TGFBR3: variants seen among roughly 807,000 people sequenced by gnomAD.
TGFBR3 encodes the protein transforming growth factor beta receptor type 3.
A neutral mutation model predicts 87.9 loss-of-function variants in TGFBR3; 46 were observed. The observed-to-expected ratio is 0.52, with a 90% CI of 0.41 to 0.67. The LOEUF is 0.67. Among genes scored for constraint, TGFBR3 ranks in the 30% least tolerant of loss-of-function variants. The pLI, the probability that TGFBR3 is intolerant of heterozygous loss-of-function variation, is 0.00. For missense variants in TGFBR3, 866 were observed against 1,041.9 expected, an observed-to-expected ratio of 0.83 and a Z score of 2.32; for synonymous variants, 381 against 391.6, an observed-to-expected ratio of 0.97 and a Z score of 0.32.
rs1571582316 is a variant in TGFBR3 at position 91,861,500 on chromosome 1, G to A, written c.32C>T (p.Ala11Val). Residue 11 changes from alanine to valine, a missense_variant, in exon 2 of 17, where the codon GCC (alanine) becomes GTC (valine). Coordinates refer to ENST00000212355, the MANE Select transcript of TGFBR3 (RefSeq NM_003243.5). MTSHYVIAIF[A>V]LMSSCLATAG... ...AGTGGCTAAACAGGAGCTCATCAGG[G>A]CAAAGATGGCAATCACATAATGGGA... 6 of 1,613,752 alleles carry A rather than the reference G, an allele frequency of 3.7e-6. No homozygotes were observed. The highest frequency in any genetic ancestry group is 1.7e-4 in the Middle Eastern group (1 of 6,060).
chr1:91,847,461 G>T (rs569253391), intron 2 of TGFBR3, among the ~76,000 whole-genome samples: 1 of 151,910 alleles, frequency 6.6e-6, no homozygotes, highest in East Asian at 1.9e-4. Flanking sequence ...AAATTAGCCA[G>T]GCGTGGTAGT....
intron 2 of TGFBR3, among the ~76,000 whole-genome samples, chr1:91,805,239 G>C (rs187268813): frequency 4.6e-5 from 7 of 152,296 alleles, no homozygotes; most frequent in African/African-American, 1.7e-4. Context: ...TTCATTCTGG[G>C]CATCTGGTAT....
intron 1 of TGFBR3, among the ~76,000 whole-genome samples, chr1:91,875,780 C>CGGGGGG (rs1204497451): frequency 2.9e-4 from 2 of 6,850 alleles, no homozygotes; most frequent in Admixed American, 2.2e-3. Context: ...CCCAGCTACT[C>CGGGGGG]GGGCGGGGGG....
At chr1:91,842,904 A>C (rs928403771) in intron 2 of TGFBR3, among the ~76,000 whole-genome samples, 7 of 151,998 alleles carry the variant, frequency 4.6e-5, no homozygotes, top group Admixed American at 1.3e-4. Context: ...ACAAAACAAA[A>C]AGTTGGGGGG....
At chr1:91,759,404 A>T (rs1042613694) in intron 3 of TGFBR3, among the ~76,000 whole-genome samples, 4 of 151,710 alleles carry the variant, frequency 2.6e-5, no homozygotes, top group Non-Finnish European at 2.9e-5. Context: ...AAAAAAAAAA[A>T]ACAGGGAAGA....
At chr1:91,740,950 T>C (rs1231958691) in intron 4 of TGFBR3, among the ~76,000 whole-genome samples, 2 of 152,152 alleles carry the variant, frequency 1.3e-5, no homozygotes, top group Non-Finnish European at 2.9e-5. Flanking sequence ...ACTGCAAGAG[T>C]GTATAGGAGA....
intron 2 of TGFBR3, 82 bp downstream of exon 2, chr1:91,861,389 A>C: frequency 3.7e-6 from 4 of 1,093,212 alleles, no homozygotes; most frequent in Non-Finnish European, 4.2e-6. Flanking sequence ...AACAGAGTGA[A>C]ACTTCATCTC....
chr1:91,857,724 A>C (rs1162798185), intron 2 of TGFBR3, among the ~76,000 whole-genome samples: 1 of 152,192 alleles, frequency 6.6e-6, no homozygotes, highest in East Asian at 1.9e-4. Flanking sequence ...GGATCACTTG[A>C]GGTCAAGAGT....
intron 4 of TGFBR3, among the ~76,000 whole-genome samples, chr1:91,748,954 G>A (rs886623113): frequency 1.3e-5 from 2 of 151,954 alleles, no homozygotes; most frequent in African/African-American, 4.8e-5. Context: ...CTCACACACG[G>A]CACACACTAG....
intron 2 of TGFBR3, among the ~76,000 whole-genome samples, chr1:91,838,551 C>T (rs377627050): frequency 4.8e-4 from 72 of 151,422 alleles, no homozygotes; most frequent in African/African-American, 1.7e-3. Context: ...CTCTGCCTCC[C>T]GGGTTCACAC....
chr1:91,699,540 G>A (rs1259039361), intron 14 of TGFBR3, among the ~76,000 whole-genome samples: 1 of 142,602 alleles, frequency 7.0e-6, no homozygotes, highest in African/African-American at 2.6e-5. Context: ...AGAAATGTTT[G>A]GTGAAGGATG....
At chr1:91,785,321 C>T (rs924319199) in intron 3 of TGFBR3, among the ~76,000 whole-genome samples, 12 of 152,114 alleles carry the variant, frequency 7.9e-5, no homozygotes, top group African/African-American at 2.4e-4. Context: ...AGTGCCGGGT[C>T]GTGGGGGGCA....
intron 4 of TGFBR3, among the ~76,000 whole-genome samples, chr1:91,755,979 C>T (rs1407146391): frequency 6.6e-6 from 1 of 152,204 alleles, no homozygotes; most frequent in Non-Finnish European, 1.5e-5. Flanking sequence ...CAGGTGATGT[C>T]TATAAACATT....
In TGFBR3 at chr1:91,797,271, T is replaced by C; in HGVS notation, c.246+16A>G. On this transcript the variant is annotated intron_variant, in intron 3 of 16. Transcript: ENST00000212355. ...GACTCAGTGGCAGTGGGCTGAGAGC[T>C]GACACCTGCACCTACCTCTCTCTGT... is the stretch of plus-strand genomic sequence containing the variant. 1.9e-6 allele frequency: 3 copies of C among 1,613,774 alleles called. No individual in the cohort carries two copies. Among genetic ancestry groups the C allele is most frequent in the Admixed American group, 3.3e-5 (2 of 60,032 alleles).
intron 16 of TGFBR3, among the ~76,000 whole-genome samples, chr1:91,690,922 C>G (rs1225058300): frequency 6.6e-6 from 1 of 151,808 alleles, no homozygotes; most frequent in African/African-American, 2.4e-5. Flanking sequence ...TTTTTTTCCT[C>G]ATTCTTAAAT....
chr1:91,827,330 A>G (rs1281539511), intron 2 of TGFBR3, among the ~76,000 whole-genome samples: 1 of 152,200 alleles, frequency 6.6e-6, no homozygotes, highest in Admixed American at 6.5e-5. Flanking sequence ...TGACTTACTG[A>G]CAAGACAGTT....
chr1:91,711,226 T>C (rs577888789), intron 13 of TGFBR3, among the ~76,000 whole-genome samples: 1 of 152,342 alleles, frequency 6.6e-6, no homozygotes, highest in African/African-American at 2.4e-5. Context: ...TCTAAATCAC[T>C]GTATATGTGC....
intron 1 of TGFBR3, among the ~76,000 whole-genome samples, chr1:91,869,659 G>A (rs2799527): frequency 0.07 from 10,683 of 152,144 alleles, 960 homozygotes; most frequent in East Asian, 0.4. Context: ...GCGAGACTCC[G>A]TCTCAAACAA....
chr1:91,778,029 C>T (rs1051938200), intron 3 of TGFBR3, among the ~76,000 whole-genome samples: 1 of 152,112 alleles, frequency 6.6e-6, no homozygotes, highest in Non-Finnish European at 1.5e-5. Context: ...AACAGTAGAG[C>T]TCTTTGGAAA....
Sources: gnomAD v4.1 joint callset for allele counts (sites outside exome capture counted in the v4.1 genomes callset) on GRCh38, gnomAD v4.1.1 for gene constraint, MANE v1.5 for transcripts, NCBI Gene and HGNC (gene_info 2026-07-23, HGNC 2026-07-21) for gene names.